Variants in PCDH15 observed in about 807,000 individuals in gnomAD.
PCDH15 encodes protocadherin related 15.
Under a neutral mutation model 178.5 loss-of-function variants are expected in PCDH15, and 129 were observed. That is an observed-to-expected ratio of 0.72 (90% CI 0.63 to 0.84). The LOEUF (loss-of-function observed/expected upper bound fraction) is 0.84. PCDH15 is among the 40% of genes least tolerant of loss of function. The pLI is 0.00. For synonymous variants in PCDH15, 800 were observed against 732.0 expected (o/e 1.09, Z -1.50); for missense variants, 2,230 against 2,099.9 (o/e 1.06, Z -1.21).
At chr10:54,147,862 TTAAATC>T (rs1277956944) in intron 14 of PCDH15, among the ~76,000 whole-genome samples, 1 of 151,910 alleles carries the variant, frequency 6.6e-6, no homozygotes, top group East Asian at 1.9e-4. Flanking sequence ...GGAAAAAGCT[TTAAATC>T]TAACAACTCT....
intron 2 of PCDH15, among the ~76,000 whole-genome samples, chr10:55,083,282 A>C (rs1007701470): frequency 2.6e-5 from 4 of 152,018 alleles, no homozygotes; most frequent in African/African-American, 9.6e-5. Flanking sequence ...CCTCATATCA[A>C]CAGAATAAAG....
At position 54,475,512 on chromosome 10, in the gene PCDH15, C is replaced by G. The variant is rs920569505; in HGVS notation, c.157+52300G>C. 4.4e-4 allele frequency among the ~76,000 whole-genome samples: 67 copies of G among 151,878 alleles called. 3 individuals carry two copies. Among genetic ancestry groups the G allele is most frequent in the Non-Finnish European group, 7.4e-5 (5 of 67,890 alleles). ...AGCAACTAATAAAGTGTTTGGCACC[C>G]AAATCTTAATTCACTTGCATTTAAT... On this transcript the variant is annotated intron_variant, in intron 3 of 37. Coordinates refer to ENST00000644397, the MANE Select transcript of PCDH15 (RefSeq NM_001384140.1).
At chr10:55,161,307 G>A (rs1173053880) in intron 2 of PCDH15, among the ~76,000 whole-genome samples, 1 of 152,130 alleles carries the variant, frequency 6.6e-6, no homozygotes, top group Non-Finnish European at 1.5e-5. Flanking sequence ...GAGAGTTTGA[G>A]ATTTAAGTAC....
chr10:54,071,665 G>T (rs2038381389), intron 17 of PCDH15, among the ~76,000 whole-genome samples: 2 of 152,156 alleles, frequency 1.3e-5, no homozygotes, highest in South Asian at 4.1e-4. Context: ...TGTATGCTTA[G>T]AATTTATCTG....
At chr10:54,875,901 T>C (rs888086409) in intron 3 of PCDH15, among the ~76,000 whole-genome samples, 1 of 152,108 alleles carries the variant, frequency 6.6e-6, no homozygotes, top group Non-Finnish European at 1.5e-5. Flanking sequence ...CTAAGATAAT[T>C]GATGAAGGTA....
chr10:54,482,698 A>G (rs1425765078), intron 3 of PCDH15, among the ~76,000 whole-genome samples: 1 of 151,842 alleles, frequency 6.6e-6, no homozygotes, highest in Admixed American at 6.6e-5. Flanking sequence ...GGAGATTTAG[A>G]TCTCCAAAAT....
intron 25 of PCDH15, among the ~76,000 whole-genome samples, chr10:53,906,592 T>G (rs991507607): frequency 3.3e-5 from 5 of 152,172 alleles, no homozygotes; most frequent in African/African-American, 1.2e-4. Context: ...ATCATGAGAT[T>G]ATGATTAACT....
At chr10:54,517,439 C>A (rs1207766987) in intron 3 of PCDH15, among the ~76,000 whole-genome samples, 1 of 151,958 alleles carries the variant, frequency 6.6e-6, no homozygotes, top group Non-Finnish European at 1.5e-5. Context: ...GACTTTAAAC[C>A]AACAAACATC....
chr10:53,842,026 T>C lies in PCDH15; in HGVS notation c.3807-1530A>G, dbSNP rs559936692. 2.0e-5 allele frequency among the ~76,000 whole-genome samples: 3 copies of C among 151,982 alleles called. No homozygotes were observed. The East Asian group carries it at 5.8e-4, about 29-fold the overall frequency. On this transcript the variant is annotated intron_variant, in intron 28 of 37. Coordinates refer to ENST00000644397, the MANE Select transcript of PCDH15 (RefSeq NM_001384140.1). ...GAGACACAGACTAGTCTAACATCATTTGGACTGTGTTTTTCAGATTTTTTT... is the reference window on the plus strand; with the variant it reads ...GAGACACAGACTAGTCTAACATCATCTGGACTGTGTTTTTCAGATTTTTTT...
chr10:55,300,898 T>C (rs577414187), intron 1 of PCDH15, among the ~76,000 whole-genome samples: 61 of 152,316 alleles, frequency 4.0e-4, no homozygotes, highest in African/African-American at 1.4e-3. Flanking sequence ...ATATTGACAT[T>C]GATGTAGGCA....
chr10:55,487,323 A>T (rs1589073820), intron 2 of PCDH15, among the ~76,000 whole-genome samples: 1 of 151,682 alleles, frequency 6.6e-6, no homozygotes, highest in East Asian at 1.9e-4. Context: ...TCATAAGCAC[A>T]ACTGAGGTTT....
intron 2 of PCDH15, among the ~76,000 whole-genome samples, chr10:55,115,495 C>A (rs1837607937): frequency 6.6e-6 from 1 of 152,158 alleles, no homozygotes; most frequent in Non-Finnish European, 1.5e-5. Flanking sequence ...AGAGCTGAAA[C>A]CACTTGAACA....
At chr10:54,040,291 G>A (rs769171250) in intron 18 of PCDH15, among the ~76,000 whole-genome samples, 1 of 151,818 alleles carries the variant, frequency 6.6e-6, no homozygotes, top group African/African-American at 2.4e-5. Context: ...TCATGGGGGC[G>A]GTTTCCTCCA....
At chr10:53,852,887 A>G (rs984585429) in intron 28 of PCDH15, among the ~76,000 whole-genome samples, 10 of 152,050 alleles carry the variant, frequency 6.6e-5, no homozygotes, top group African/African-American at 2.4e-4. Flanking sequence ...TAATGTGTTT[A>G]CTGGTCTCGT....
chr10:54,502,652 T>C (rs2080803734), intron 3 of PCDH15, among the ~76,000 whole-genome samples: 1 of 152,148 alleles, frequency 6.6e-6, no homozygotes, highest in Admixed American at 6.6e-5. Context: ...AAAATTCCAT[T>C]TGATATTTAG....
chr10:54,478,613 C>T (rs1057303969), intron 3 of PCDH15, among the ~76,000 whole-genome samples: 97 of 152,116 alleles, frequency 6.4e-4, no homozygotes, highest in African/African-American at 2.1e-3. Flanking sequence ...CAGGAGAGTA[C>T]ATTAAGTCAT....
intron 28 of PCDH15, among the ~76,000 whole-genome samples, chr10:53,845,425 C>T (rs1351163682): frequency 6.6e-6 from 1 of 151,794 alleles, no homozygotes; most frequent in African/African-American, 2.4e-5. Context: ...TATCTGCATG[C>T]CTATGTTTAT....
At chr10:54,762,738 A>G (rs1489811733) in intron 1 of PCDH15, among the ~76,000 whole-genome samples, 6 of 152,166 alleles carry the variant, frequency 3.9e-5, no homozygotes, top group African/African-American at 1.4e-4. Context: ...TTGAACATTT[A>G]TGAAATGCTT....
At chr10:54,736,589 A>G (rs977757706) in intron 1 of PCDH15, among the ~76,000 whole-genome samples, 3 of 152,060 alleles carry the variant, frequency 2.0e-5, no homozygotes, top group Admixed American at 1.3e-4. Context: ...ATCTCGGCAA[A>G]AGGAGAACTC....
Sources: allele counts gnomAD v4.1 joint callset (sites outside exome capture counted in the v4.1 genomes callset), GRCh38; gene constraint gnomAD v4.1.1; transcripts MANE v1.5; gene names NCBI Gene and HGNC (gene_info 2026-07-23, HGNC 2026-07-21).